The following EGFLAM variants were observed in gnomAD, a reference collection of about 807,000 sequenced individuals.
EGFLAM encodes pikachurin.
EGFLAM carries 79 observed loss-of-function variants against 113.1 expected under a neutral mutation model. The ratio of observed to expected loss-of-function variants is 0.70; its 90% CI spans 0.58 to 0.84. EGFLAM has a LOEUF of 0.84. Among genes scored for constraint, EGFLAM ranks in the 40% least tolerant of loss-of-function variants. EGFLAM has a pLI of 0.00. For synonymous variants in EGFLAM, 504 were observed against 487.6 expected (o/e 1.03, Z -0.44); for missense variants, 1,265 against 1,291.6 (o/e 0.98, Z 0.32).
chr5:38,286,826 C>T (rs1035126087), intron 1 of EGFLAM, among the ~76,000 whole-genome samples: 3 of 152,168 alleles, frequency 2.0e-5, no homozygotes, highest in African/African-American at 7.2e-5. Context: ...AGCGACTTTG[C>T]GTCTATGAGA....
chr5:38,286,502 G>C (rs1758164912), intron 1 of EGFLAM: 1 of 152,194 alleles, frequency 6.6e-6, no homozygotes, highest in Admixed American at 6.5e-5. Context: ...GGGGAAGTAA[G>C]ATGTGAGCAC....
At position 38,407,163 on chromosome 5, in the gene EGFLAM, G is replaced by A. The variant is rs375131770; in HGVS notation, c.1147+17G>A. ...GCTCAGAAGGTAGGCCCTTGGGGGA[G>A]AGGAAGAAGTGGTGATGAATTGGCA... On this transcript the variant is annotated intron_variant, in intron 8 of 21. Transcript: ENST00000322350. 4.3e-5 allele frequency: 68 copies of A among 1,576,358 alleles called. No homozygotes were observed. The highest frequency in any genetic ancestry group is 5.5e-5 in the Non-Finnish European group (65 of 1,171,926).
chr5:38,407,991 C>G (rs60540056), intron 9 of EGFLAM, 86 bp downstream of exon 9: 173,164 of 1,079,714 alleles, frequency 0.16, 14,743 homozygotes, highest in East Asian at 0.22. Flanking sequence ...GGAGAGGAAG[C>G]GGGGCAGCAG....
Position 38,338,028 on chromosome 5 carries a change from C to T in EGFLAM, c.207+399C>T, listed in dbSNP as rs574524015. ...GTGGGGAGGCAAAATGGAGGAAGCA[C>T]CAGAGAATGCATTCTTATCTATCAG... On this transcript the variant is annotated intron_variant, in intron 2 of 21. Transcript: ENST00000322350. Among the ~76,000 whole-genome samples, 40 of 152,236 alleles carry T rather than the reference C, an allele frequency of 2.6e-4. No individual in the cohort carries two copies. In the South Asian group the frequency reaches 3.5e-3, roughly 13 times the overall value.
chr5:38,441,284 A>C (rs1579936092), intron 17 of EGFLAM, among the ~76,000 whole-genome samples: 1 of 152,070 alleles, frequency 6.6e-6, no homozygotes, highest in South Asian at 2.1e-4. Context: ...CCAAGAAAAA[A>C]ACATAAGGTT....
At position 38,418,345 on chromosome 5, in the gene EGFLAM, A is replaced by G. The variant is rs565214884; in HGVS notation, c.1684+90A>G. 174 of 1,464,928 alleles carry G rather than the reference A, an allele frequency of 1.2e-4. 2 individuals carry two copies. The African/African-American group carries it at 2.3e-3, about 19-fold the overall frequency. 90.7% of individuals were successfully genotyped at this position (1,464,928 alleles called of 1,614,324 possible). ...TGGCTTGGGCCATGGAGGGAGCAGC[A>G]ACATTAGGTGCTACCCTGGGAAGCT... On this transcript the variant is annotated intron_variant, in intron 12 of 21. Transcript: ENST00000322350.
intron 1 of EGFLAM, among the ~76,000 whole-genome samples, chr5:38,317,314 T>G (rs1332256350): frequency 1.3e-5 from 2 of 152,116 alleles, no homozygotes; most frequent in Non-Finnish European, 2.9e-5. Flanking sequence ...AGACCGAAAC[T>G]GCCCAGGAGG....
chr5:38,463,882 C>T lies in EGFLAM; in HGVS notation c.2926C>T (p.Leu976Phe). ...LHTNRQYMRG[L>F]VGCISHFTLS... The stretch of plus-strand genomic sequence containing the variant: ...CACTAACAGGCAATATATGAGAGGG[C>T]TCGTGGGCTGTATCTCTCACTTCAC... Residue 976 changes from leucine to phenylalanine, a missense_variant, in exon 22 of 22, where the codon CTC (leucine) becomes TTC (phenylalanine). Coordinates refer to ENST00000322350, the MANE Select transcript of EGFLAM (RefSeq NM_152403.4). 6.2e-7 allele frequency: 1 copy of T among 1,614,212 alleles called. No individual in the cohort carries two copies. Among genetic ancestry groups the T allele is most frequent in the East Asian group, 2.2e-5 (1 of 44,888 alleles).
chr5:38,381,941 T>A (rs1740521794), intron 6 of EGFLAM, among the ~76,000 whole-genome samples: 1 of 152,188 alleles, frequency 6.6e-6, no homozygotes, highest in Non-Finnish European at 1.5e-5. Flanking sequence ...TCCTCAAGCG[T>A]GTTCAGAGAA....
At chr5:38,324,849 A>C (rs1454748323) in intron 1 of EGFLAM, among the ~76,000 whole-genome samples, 5 of 152,116 alleles carry the variant, frequency 3.3e-5, no homozygotes, top group Non-Finnish European at 5.9e-5. Context: ...TGAAGAAGAG[A>C]GGATGGAGAC....
chr5:38,357,555 T>TC (rs1474502112), intron 5 of EGFLAM, among the ~76,000 whole-genome samples: 2 of 152,174 alleles, frequency 1.3e-5, no homozygotes, highest in African/African-American at 2.4e-5. Context: ...TTTTTCTACT[T>TC]CCTGTGTACA....
In EGFLAM at chr5:38,370,428, C is replaced by A. The variant is rs746509872; in HGVS notation, c.678C>A (p.Pro226=). ...CAATGAATTCCCATGGCCCCAGCCC[C>A]CGCAGCTGGCCCAGTGACATCATCC... is the stretch of plus-strand genomic sequence containing the variant. ...VRAMNSHGPS[P]RSWPSDIIRT... is the part of the protein sequence containing the mutation. Residue 226 remains proline (P), a synonymous_variant, in exon 6 of 22, where the codon CCC becomes CCA. Coordinates refer to ENST00000322350, the MANE Select transcript of EGFLAM (RefSeq NM_152403.4). 1.9e-6 allele frequency: 3 copies of A among 1,614,164 alleles called. No individual in the cohort carries two copies. Among genetic ancestry groups the A allele is most frequent in the East Asian group, 2.2e-5 (1 of 44,868 alleles).
At chr5:38,388,042 C>T (rs1740710569) in intron 6 of EGFLAM, among the ~76,000 whole-genome samples, 1 of 152,176 alleles carries the variant, frequency 6.6e-6, no homozygotes, top group South Asian at 2.1e-4. Flanking sequence ...AGCCTGTCTA[C>T]CAGAGCCAGG....
chr5:38,407,056 T>A lies in EGFLAM; in HGVS notation c.1057T>A (p.Ser353Thr), dbSNP rs1208993335. ...FDMPCDETLC[S>T]ADSFCVNDYT... ...CATGCCTTGTGATGAAACTCTCTGC[T>A]CTGCTGACAGCTTCTGTGTCAATGA... Residue 353 changes from serine (S) to threonine (T), a missense_variant, in exon 8 of 22, where the codon TCT becomes ACT. Transcript: ENST00000322350. 4 of 1,614,186 alleles carry A rather than the reference T, an allele frequency of 2.5e-6. No individual in the cohort carries two copies. The East Asian group carries it at 8.9e-5, about 36-fold the overall frequency.
rs192590948 is a variant in EGFLAM, at chr5:38,337,372, T to C, written c.98-148T>C. On this transcript the variant is annotated intron_variant, in intron 1 of 21. Transcript: ENST00000322350. ...AGTGAGTGAGGTCAGCTGAGATAGG[T>C]GTGGTGTATCAGAAATTGACTGCAT... 1.4e-3 allele frequency: 1,003 copies of C among 723,636 alleles called. 1 individual carries two copies. The highest frequency in any genetic ancestry group is 6.3e-3 in the Middle Eastern group (17 of 2,688). 44.8% of individuals were successfully genotyped at this position (723,636 alleles called of 1,614,324 possible).
chr5:38,271,354 C>T (rs1246138746), intron 1 of EGFLAM, among the ~76,000 whole-genome samples: 1 of 152,210 alleles, frequency 6.6e-6, no homozygotes, highest in Non-Finnish European at 1.5e-5. Context: ...CAACCGTACT[C>T]TCTACCAGAA....
At chr5:38,326,066 C>CT (rs1359855783) in intron 1 of EGFLAM, among the ~76,000 whole-genome samples, 1 of 152,172 alleles carries the variant, frequency 6.6e-6, no homozygotes, top group African/African-American at 2.4e-5. Context: ...AGACAGCCTG[C>CT]TGGGAGCACT....
chr5:38,333,351 CT>C (rs906903046), intron 1 of EGFLAM, among the ~76,000 whole-genome samples: 6 of 152,138 alleles, frequency 3.9e-5, no homozygotes, highest in African/African-American at 1.4e-4. Flanking sequence ...GGTACTTCTG[CT>C]TTTAGCTCTT....
rs758707974 is a variant in EGFLAM, at chr5:38,418,156, C to T, written c.1585C>T (p.Arg529Ter). 2.4e-5 allele frequency: 39 copies of T among 1,613,976 alleles called. 1 individual carries two copies. The highest frequency in any genetic ancestry group is 4.5e-5 in the East Asian group (2 of 44,864). Reference sequence around the variant, plus strand: ...GTTGGTTAGAGCAACAGGGACAAACCGAGGCTTTCAAGGCTGTGTGCAGTC... The same window carrying T: ...GTTGGTTAGAGCAACAGGGACAAACTGAGGCTTTCAAGGCTGTGTGCAGTC... ...YWLVRATGTN[R>*]GFQGCVQSLA... The change falls in exon 12 of 22, where the codon CGA (arginine) becomes TGA (stop). Residue 529 changes from arginine to a stop codon, truncating the protein, a stop_gained. Transcript: ENST00000322350. LOFTEE classifies it high-confidence loss of function.
Sources: gnomAD v4.1 joint callset for allele counts (sites outside exome capture counted in the v4.1 genomes callset) on GRCh38, gnomAD v4.1.1 for gene constraint, MANE v1.5 for transcripts, NCBI Gene and HGNC (gene_info 2026-07-23, HGNC 2026-07-21) for gene names.